KLHL13: variants seen among roughly 807,000 people sequenced by gnomAD.
KLHL13 encodes kelch-like protein 13.
In KLHL13, 10 loss-of-function variants were observed where a neutral mutation model predicts 37.1. That is an observed-to-expected ratio of 0.27 (90% CI 0.17 to 0.46). KLHL13 has a LOEUF of 0.46. Ranked by LOEUF, KLHL13 falls within the 20% of genes least tolerant of loss-of-function variation. The probability of loss-of-function intolerance (pLI) is 1.00; values close to 1 mark genes in which losing one functional copy is unlikely to be tolerated. For synonymous variants in KLHL13, 163 were observed against 181.2 expected (o/e 0.90, Z 0.81); for missense variants, 360 against 509.3 (o/e 0.71, Z 2.82).
intron 1 of KLHL13, among the ~76,000 whole-genome samples, chrX:117,989,908 T>C (rs1443252969): frequency 2.7e-5 from 3 of 111,145 alleles, no homozygotes; most frequent in African/African-American, 6.5e-5. Context: ...TGCTTCTATG[T>C]CTCCCTAGAC....
At chrX:117,960,696 A>G (rs1357981712) in intron 1 of KLHL13, among the ~76,000 whole-genome samples, 1 of 112,157 alleles carries the variant, frequency 8.9e-6, no homozygotes, top group Non-Finnish European at 1.9e-5. Context: ...TTTATGTTCA[A>G]TCTGATTTTG....
At position 117,909,220 on chromosome X, in the gene KLHL13, T is replaced by C; in HGVS notation, c.1366+81A>G. 3 of 839,790 alleles carry C rather than the reference T, an allele frequency of 3.6e-6. No homozygotes were observed. In the East Asian group the frequency reaches 9.6e-5, roughly 27 times the overall value. 69.2% of individuals were successfully genotyped at this position (839,790 alleles called of 1,213,427 possible). A position where few individuals can be genotyped will look rare whatever the true frequency, so the allele number is the denominator to read the frequency against. Reference sequence around the variant, plus strand: ...CCCTAACTACATTTTTATCTGATTTTACAGGACTGCTTATTTTATGATTTG... The same window carrying C: ...CCCTAACTACATTTTTATCTGATTTCACAGGACTGCTTATTTTATGATTTG... On this transcript the variant is annotated intron_variant, in intron 5 of 6. Coordinates refer to ENST00000262820, the Ensembl canonical transcript of KLHL13.
intron 1 of KLHL13, among the ~76,000 whole-genome samples, chrX:117,991,816 T>A (rs5956836): frequency 1.1e-4 from 12 of 105,146 alleles, no homozygotes; most frequent in Non-Finnish European, 2.3e-4. Flanking sequence ...AAAGCTTTCC[T>A]TATCTCAAAA....
chrX:118,033,301 A>G (rs182679299), intron 1 of KLHL13, among the ~76,000 whole-genome samples: 1,287 of 111,303 alleles, frequency 0.012, 20 homozygotes, highest in African/African-American at 0.04. Flanking sequence ...CACATTCACC[A>G]AAGTTGAAAT....
At chrX:118,098,670 C>T (rs1223139181) in intron 1 of KLHL13, among the ~76,000 whole-genome samples, 1 of 105,852 alleles carries the variant, frequency 9.4e-6, no homozygotes, top group Non-Finnish European at 1.9e-5. Flanking sequence ...GACTTGGAAC[C>T]AACCCAAATG....
chrX:118,007,614 G>T (rs1469063227), intron 1 of KLHL13, among the ~76,000 whole-genome samples: 1 of 111,384 alleles, frequency 9.0e-6, no homozygotes, highest in Non-Finnish European at 1.9e-5. Context: ...GTCACTAGAG[G>T]ATTTTATTCT....
intron 1 of KLHL13, among the ~76,000 whole-genome samples, chrX:118,093,274 T>C (rs897804356): frequency 5.3e-5 from 6 of 112,163 alleles, no homozygotes; most frequent in African/African-American, 1.6e-4. Context: ...ATACTAGTTA[T>C]ATAAAATAAT....
chrX:118,103,075 C>G (rs1487135881), intron 1 of KLHL13, among the ~76,000 whole-genome samples: 2 of 111,742 alleles, frequency 1.8e-5, no homozygotes, highest in African/African-American at 3.3e-5. Context: ...TAACCAAAAT[C>G]TAGTTGTGAG....
chrX:118,078,271 T>C (rs2054949066), intron 1 of KLHL13, among the ~76,000 whole-genome samples: 1 of 111,704 alleles, frequency 9.0e-6, no homozygotes, highest in Non-Finnish European at 1.9e-5. Context: ...TATTGAGGTG[T>C]AATTTACATA....
At chrX:118,068,695 C>T (rs1486523447) in intron 1 of KLHL13, among the ~76,000 whole-genome samples, 1 of 111,469 alleles carries the variant, frequency 9.0e-6, no homozygotes, top group Non-Finnish European at 1.9e-5. Context: ...TGTGCCCCAC[C>T]CCAAGTGGCC....
intron 1 of KLHL13, among the ~76,000 whole-genome samples, chrX:118,020,287 CTTTG>C (rs1379297761): frequency 2.2e-4 from 25 of 111,296 alleles, no homozygotes; most frequent in African/African-American, 7.2e-4. Context: ...TGATTTGGCT[CTTTG>C]TTTGTCTGTT....
At chrX:118,072,608 T>C (rs1381042540) in intron 1 of KLHL13, among the ~76,000 whole-genome samples, 1 of 111,266 alleles carries the variant, frequency 9.0e-6, no homozygotes, top group African/African-American at 3.3e-5. Flanking sequence ...ATCCAGAATC[T>C]ACAATGAACT....
chrX:117,988,226 G>A (rs2053750031), intron 1 of KLHL13, among the ~76,000 whole-genome samples: 1 of 112,047 alleles, frequency 8.9e-6, no homozygotes, highest in Non-Finnish European at 1.9e-5. Context: ...GGCAGAAAGG[G>A]AGGAGGGGTA....
rs1002440389 is a variant in KLHL13, at chrX:118,111,807, G to A, written c.-56+4701C>T. Among the ~76,000 whole-genome samples the A allele has an allele frequency of 8.0e-5, 9 of 112,096 alleles. No individual in the cohort carries two copies. The East Asian group carries it at 1.7e-3, about 21-fold the overall frequency. Reference sequence around the variant, plus strand: ...CTCGGGAGGCTGAGGTAGGAGAACCGCTTGAACCCAGGAGGCGGAGGTTGC... The same window carrying A: ...CTCGGGAGGCTGAGGTAGGAGAACCACTTGAACCCAGGAGGCGGAGGTTGC... On this transcript the variant is annotated intron_variant, in intron 1 of 6. Transcript: ENST00000371882.
At chrX:118,040,675 C>G (rs746436201) in intron 1 of KLHL13, among the ~76,000 whole-genome samples, 3 of 111,298 alleles carry the variant, frequency 2.7e-5, no homozygotes, top group Non-Finnish European at 3.8e-5. Flanking sequence ...CTTCCCAAAC[C>G]TAGAGAAAGA....
chrX:118,031,532 T>C (rs185803788), intron 1 of KLHL13, among the ~76,000 whole-genome samples: 4,837 of 93,168 alleles, frequency 0.052, 423 homozygotes, highest in African/African-American at 0.19. Context: ...TATTTAGTTA[T>C]ATATATATTA....
chrX:117,910,838 A>G (rs1274341944), intron 4 of KLHL13, among the ~76,000 whole-genome samples: 1 of 110,734 alleles, frequency 9.0e-6, no homozygotes, highest in East Asian at 2.8e-4. Context: ...TTCCTTAGCC[A>G]CTCTTACTTT....
At chrX:117,903,512 T>G (rs1001432102) in intron 5 of KLHL13, among the ~76,000 whole-genome samples, 3 of 99,170 alleles carry the variant, frequency 3.0e-5, no homozygotes, top group African/African-American at 1.1e-4. Flanking sequence ...AGTACTGTTG[T>G]TTTTTTTTAC....
chrX:118,073,764 G>T (rs747442024), intron 1 of KLHL13, among the ~76,000 whole-genome samples: 2 of 111,648 alleles, frequency 1.8e-5, no homozygotes, highest in South Asian at 7.6e-4. Flanking sequence ...GCTTACTTTT[G>T]TAACTTTTAC....
Sources: allele counts gnomAD v4.1 joint callset (sites outside exome capture counted in the v4.1 genomes callset), GRCh38; gene constraint gnomAD v4.1.1; transcripts MANE v1.5; gene names NCBI Gene and HGNC (gene_info 2026-07-23, HGNC 2026-07-21).